The following RPS16 variants were observed in gnomAD, a reference collection of about 807,000 sequenced individuals.
The protein encoded by RPS16 is ribosomal protein S16.
RPS16 carries 2 observed loss-of-function variants against 20.1 expected under a neutral mutation model. The observed-to-expected ratio is 0.10, with a 90% CI of 0.04 to 0.31. The LOEUF (loss-of-function observed/expected upper bound fraction) is 0.31. RPS16 is among the 10% of genes least tolerant of loss of function. The probability of loss-of-function intolerance (pLI) is 1.00; values close to 1 mark genes in which losing one functional copy is unlikely to be tolerated. For missense variants in RPS16, 129 were observed against 198.6 expected (o/e 0.65, Z 2.11); for synonymous variants, 95 against 76.1 (o/e 1.25, Z -1.29).
chr19:39,434,136 A>AT (rs2078846835), intron 2 of RPS16: 1 of 257,920 alleles, frequency 3.9e-6, no homozygotes, highest in African/African-American at 2.2e-5. Context: ...GTCGAAAGCC[A>AT]TCCCTGGACT....
Position 39,435,933 on chromosome 19 carries a change from G to A in RPS16, c.-38C>T, listed in dbSNP as rs763017700. 4 of 1,601,856 alleles carry A rather than the reference G, an allele frequency of 2.5e-6. No individual in the cohort carries two copies. The highest frequency in any genetic ancestry group is 2.2e-5 in the East Asian group (1 of 44,880). On this transcript the variant is annotated 5_prime_UTR_variant, in exon 1 of 5. Transcript: ENST00000251453. ...GGACTAGACAACCTCACCGCGCGGCGCCGCAACCGGAAAAGGAAAGCTAGG... is the reference window on the plus strand; with the variant it reads ...GGACTAGACAACCTCACCGCGCGGCACCGCAACCGGAAAAGGAAAGCTAGG...
intron 1 of RPS16, 54 bp from the exon 2 acceptor site, chr19:39,435,762 G>A (rs2078858995): frequency 1.2e-6 from 2 of 1,605,892 alleles, no homozygotes; most frequent in Non-Finnish European, 1.7e-6. Flanking sequence ...CAGCTCCCAT[G>A]TTACCCCCTA....
At chr19:39,435,364 G>A (rs563156250) in intron 2 of RPS16, 1 of 505,432 alleles carries the variant, frequency 2.0e-6, no homozygotes. Context: ...CCGCCCCAGT[G>A]AGGTGAGCTT....
At position 39,435,922 on chromosome 19, in the gene RPS16, C is replaced by A. The variant is rs202106312; in HGVS notation, c.-27G>T. On this transcript the variant is annotated 5_prime_UTR_variant, in exon 1 of 5. Coordinates refer to ENST00000251453, the MANE Select transcript of RPS16 (RefSeq NM_001020.6). ...GCTCCGAGCGTGGACTAGACAACCT[C>A]ACCGCGCGGCGCCGCAACCGGAAAA... The A allele has an allele frequency of 1.2e-6, 2 of 1,602,752 alleles. No homozygotes were observed. Among genetic ancestry groups the A allele is most frequent in the African/African-American group, 1.3e-5 (1 of 75,054 alleles).
chr19:39,435,503 A>G (rs943786704), intron 2 of RPS16, 104 bp downstream of exon 2: 2 of 883,182 alleles, frequency 2.3e-6, no homozygotes, highest in African/African-American at 1.7e-5. Context: ...CACAACTTCT[A>G]AACATCCCGT....
chr19:39,434,314 C>T (rs982621743), intron 2 of RPS16: 6 of 160,072 alleles, frequency 3.7e-5, no homozygotes, highest in African/African-American at 1.4e-4. Flanking sequence ...TTTCAGCTCA[C>T]AGGTCTCCTT....
At chr19:39,434,106 T>A (rs548511306) in intron 2 of RPS16, 245 of 316,788 alleles carry the variant, frequency 7.7e-4, no homozygotes, top group Non-Finnish European at 4.3e-4. Flanking sequence ...CTTCTGAAAC[T>A]CCCAAGGCTG....
chr19:39,435,734 C>T (rs1336633194), intron 1 of RPS16, 26 bp from the exon 2 acceptor site: 61 of 1,610,170 alleles, frequency 3.8e-5, no homozygotes, highest in Non-Finnish European at 4.8e-5. Flanking sequence ...GAAACAGGGG[C>T]CCCGTGAGCT....
chr19:39,433,775 G>C lies in RPS16; in HGVS notation c.151-14C>G, dbSNP rs190591036. The C allele has an allele frequency of 6.2e-7, 1 of 1,612,898 alleles. No individual in the cohort carries two copies. The highest frequency in any genetic ancestry group is 2.2e-5 in the East Asian group (1 of 44,854). The stretch of plus-strand genomic sequence containing the variant: ...TGGCTCCAGCAGCTAAAGGAATGGG[G>C]AATGAACAGGGATTTAAGTTACATG... On this transcript the variant is annotated splice_polypyrimidine_tract_variant and intron_variant, in intron 2 of 4. Coordinates refer to ENST00000251453, the MANE Select transcript of RPS16 (RefSeq NM_001020.6).
At chr19:39,435,270 GCCTGGGCGACACAGCGAGACTC>G (rs1317274561) in intron 2 of RPS16, 2 of 270,486 alleles carry the variant, frequency 7.4e-6, no homozygotes, top group African/African-American at 4.4e-5. Flanking sequence ...CTACACTCCA[GCCTGGGCGACACAGCGAGACTC>G]CCTCTCAAAA....
At position 39,435,901 on chromosome 19, in the gene RPS16, C is replaced by G. The variant is rs1393567418; in HGVS notation, c.-6G>C. 3.7e-6 allele frequency: 6 copies of G among 1,604,714 alleles called. No homozygotes were observed. In the South Asian group the frequency reaches 4.4e-5, roughly 12 times the overall value. On this transcript the variant is annotated 5_prime_UTR_variant, in exon 1 of 5. Transcript: ENST00000251453. ...AGCGGGCCCTTGGACGGCATGGCTC[C>G]GAGCGTGGACTAGACAACCTCACCG...
Position 39,433,180 on chromosome 19 carries a change from A to G in RPS16, c.*93T>C. ...CTGATTTCTGTCTGGTTAAACATCC[A>G]ATACCAACACATAAGGCCACACACA... On this transcript the variant is annotated 3_prime_UTR_variant, in exon 5 of 5. Coordinates refer to ENST00000251453, the MANE Select transcript of RPS16 (RefSeq NM_001020.6). 2 of 1,339,174 alleles carry G rather than the reference A, an allele frequency of 1.5e-6. No homozygotes were observed. Among genetic ancestry groups the G allele is most frequent in the East Asian group, 2.3e-5 (1 of 43,580 alleles). The allele number at this position is 1,339,174 out of a possible 1,614,324, so 83.0% of individuals were successfully genotyped here. A position where few individuals can be genotyped will look rare whatever the true frequency, so the allele number is the denominator to read the frequency against.
At chr19:39,435,452 G>A (rs1254253001) in intron 2 of RPS16, 155 bp downstream of exon 2, 5 of 614,306 alleles carry the variant, frequency 8.1e-6, no homozygotes, top group African/African-American at 3.7e-5. Context: ...TGAACCCCAA[G>A]CCCAGCTCTA....
rs761639506 is a variant in RPS16 at position 39,435,942 on chromosome 19, G to T, written c.-47C>A. The T allele has an allele frequency of 6.2e-7, 1 of 1,601,264 alleles. No individual in the cohort carries two copies. Among genetic ancestry groups the T allele is most frequent in the South Asian group, 1.1e-5 (1 of 91,042 alleles). The stretch of plus-strand genomic sequence containing the variant: ...AACCTCACCGCGCGGCGCCGCAACC[G>T]GAAAAGGAAAGCTAGGGGCCACCCT... On this transcript the variant is annotated 5_prime_UTR_variant, in exon 1 of 5. Transcript: ENST00000251453.
At chr19:39,435,459 T>C (rs963531554) in intron 2 of RPS16, 148 bp downstream of exon 2, 7 of 623,856 alleles carry the variant, frequency 1.1e-5, no homozygotes, top group Non-Finnish European at 2.0e-5. Flanking sequence ...CAAGCCCAGC[T>C]CTATTGCCAA....
chr19:39,435,501 C>G (rs902322780), intron 2 of RPS16, 106 bp downstream of exon 2: 13 of 870,588 alleles, frequency 1.5e-5, no homozygotes, highest in Admixed American at 2.3e-5. Context: ...AACACAACTT[C>G]TAAACATCCC....
intron 2 of RPS16, chr19:39,434,842 AT>A (rs1322308593): frequency 6.6e-6 from 1 of 151,882 alleles, no homozygotes; most frequent in Admixed American, 6.6e-5. Flanking sequence ...CTCAAAAAAA[AT>A]TTTTTTAACT....
In RPS16 at chr19:39,435,603, G is replaced by A. The variant is rs752961449; in HGVS notation, c.150+4C>T. ...CACTCAACGCCGGTGCCGGATCCCA[G>A]CACCTTGTACTGTAGCGTGCGCGGC... On this transcript the variant is annotated splice_donor_region_variant and intron_variant, in intron 2 of 4. Coordinates refer to ENST00000251453, the MANE Select transcript of RPS16 (RefSeq NM_001020.6). The A allele has an allele frequency of 6.2e-7, 1 of 1,611,944 alleles. No individual in the cohort carries two copies. Among genetic ancestry groups the A allele is most frequent in the Admixed American group, 1.7e-5 (1 of 59,956 alleles).
rs750967439 is a variant in RPS16, at chr19:39,433,718, C to T, written c.194G>A (p.Gly65Asp). ...CTTTACACGGACACGGATGTCTACACCAGCAAATCGCTCCTTGCCGAGAAG... is the reference window on the plus strand; with the variant it reads ...CTTTACACGGACACGGATGTCTACATCAGCAAATCGCTCCTTGCCGAGAAG... The part of the protein sequence containing the change: ...VLLLGKERFA[G>D]VDIRVRVKGG... Residue 65 changes from glycine to aspartate, a missense_variant, in exon 3 of 5, where the codon GGT becomes GAT. Around this residue, in one of 2 missense-constraint regions of RPS16, gnomAD observed 117 missense variants for 151.4 expected, o/e 0.77. Transcript: ENST00000251453. 2.5e-6 allele frequency: 4 copies of T among 1,614,180 alleles called. No homozygotes were observed. The highest frequency in any genetic ancestry group is 2.2e-5 in the South Asian group (2 of 91,076).
Sources: allele counts gnomAD v4.1 joint callset, GRCh38; gene constraint gnomAD v4.1.1; regional missense constraint gnomAD v4.1.1; transcripts MANE v1.5; gene names NCBI Gene and HGNC (gene_info 2026-07-23, HGNC 2026-07-21).